SH3BGRL2: variants seen among roughly 807,000 people sequenced by gnomAD.
SH3BGRL2 encodes the protein SH3 domain binding glutamate rich protein like 2, also known as SH3 domain-binding glutamic acid-rich-like protein 2.
SH3BGRL2 carries 21 observed loss-of-function variants against 14.8 expected under a neutral mutation model. That is an observed-to-expected ratio of 1.42 (90% confidence interval 1.01 to 2.05). The LOEUF (loss-of-function observed/expected upper bound fraction) is 2.05, where lower values mean the gene tolerates loss of function less well. Among genes scored for constraint, SH3BGRL2 ranks in the 30% most tolerant of loss-of-function variants. The pLI is 0.00. For missense variants in SH3BGRL2, 147 were observed against 130.8 expected, an observed-to-expected ratio of 1.12 and a Z score of -0.61; for synonymous variants, 50 against 47.8, an observed-to-expected ratio of 1.05 and a Z score of -0.19.
At chr6:79,673,977 G>A (rs541862591) in intron 2 of SH3BGRL2, among the ~76,000 whole-genome samples, 178 bp downstream of exon 2, 1 of 152,220 alleles carries the variant, frequency 6.6e-6, no homozygotes, top group African/African-American at 2.4e-5. Flanking sequence ...GTCATGGACT[G>A]TGTATGTATG....
At chr6:79,693,437 G>T (rs1267078511) in intron 2 of SH3BGRL2, among the ~76,000 whole-genome samples, 1 of 150,312 alleles carries the variant, frequency 6.7e-6, no homozygotes, top group African/African-American at 2.5e-5. Flanking sequence ...TCTTGTGCCA[G>T]TTTTCAAAGG....
At chr6:79,619,258 T>C in the SH3BGRL2 span, among the ~76,000 whole-genome samples, 3 of 152,148 alleles carry the variant, frequency 2.0e-5, no homozygotes, top group Non-Finnish European at 4.4e-5. Flanking sequence ...TTGTTACACA[T>C]CTGTATGTAT....
At chr6:79,540,205 T>G in the SH3BGRL2 span, among the ~76,000 whole-genome samples, 136 of 152,026 alleles carry the variant, frequency 8.9e-4, no homozygotes, top group Middle Eastern at 0.01. Context: ...GAGGCCAAGG[T>G]GGGTGGATCA....
chr6:79,641,156 G>T (rs1018699172), intron 1 of SH3BGRL2, among the ~76,000 whole-genome samples: 236 of 61,392 alleles, frequency 3.8e-3, no homozygotes, highest in East Asian at 0.035. Flanking sequence ...CCTTTTGTGT[G>T]TGTGTGTGTG....
chr6:79,595,145 G>T, the SH3BGRL2 span, among the ~76,000 whole-genome samples: 4 of 152,206 alleles, frequency 2.6e-5, no homozygotes, highest in African/African-American at 9.7e-5. Flanking sequence ...AATTAGCTGG[G>T]CATAGCGGCC....
At chr6:79,650,480 T>C (rs1562147442) in intron 1 of SH3BGRL2, among the ~76,000 whole-genome samples, 1 of 152,168 alleles carries the variant, frequency 6.6e-6, no homozygotes, top group East Asian at 1.9e-4. Context: ...TTTATTTGTC[T>C]CACAGTTCTG....
the SH3BGRL2 span, among the ~76,000 whole-genome samples, chr6:79,578,756 G>T: frequency 1.3e-5 from 2 of 152,134 alleles, no homozygotes; most frequent in African/African-American, 2.4e-5. Context: ...ACAAAGGATT[G>T]CAGCTCCTCG....
intron 1 of SH3BGRL2, among the ~76,000 whole-genome samples, chr6:79,665,395 C>T (rs1264749480): frequency 2.0e-5 from 3 of 152,106 alleles, no homozygotes; most frequent in Admixed American, 6.5e-5. Flanking sequence ...TTCCCCAAAA[C>T]ATTTGTTATT....
chr6:79,632,844 A>G (rs1349330187), intron 1 of SH3BGRL2, among the ~76,000 whole-genome samples: 2 of 152,214 alleles, frequency 1.3e-5, no homozygotes, highest in Admixed American at 1.3e-4. Context: ...CACTGTTTCA[A>G]GGGTAGATTT....
chr6:79,541,681 G>A, the SH3BGRL2 span, among the ~76,000 whole-genome samples: 3 of 152,070 alleles, frequency 2.0e-5, no homozygotes, highest in African/African-American at 2.4e-5. Context: ...AGTTTGCTTC[G>A]GGAAAGAATA....
the SH3BGRL2 span, among the ~76,000 whole-genome samples, chr6:79,618,845 G>GA: frequency 1.4e-5 from 2 of 139,274 alleles, no homozygotes; most frequent in Admixed American, 1.6e-4. Context: ...CTTGGACCTG[G>GA]AAGGCAGGTT....
At chr6:79,560,867 C>CTTTTTTTTTTTTTTTTTTTTTTTTTTTT in the SH3BGRL2 span, among the ~76,000 whole-genome samples, 1 of 45,744 alleles carries the variant, frequency 2.2e-5, no homozygotes, top group African/African-American at 9.1e-5. Flanking sequence ...ACAATACACT[C>CTTTTTTTTTTTTTTTTTTTTTTTTTTTT]TTTTTTTTTT....
chr6:79,604,783 C>A, the SH3BGRL2 span, among the ~76,000 whole-genome samples: 1 of 152,156 alleles, frequency 6.6e-6, no homozygotes, highest in African/African-American at 2.4e-5. Context: ...ACATGGGGAA[C>A]CGCATCCCAC....
chr6:79,646,617 A>G (rs2127725147), intron 1 of SH3BGRL2, among the ~76,000 whole-genome samples: 1 of 152,324 alleles, frequency 6.6e-6, no homozygotes, highest in South Asian at 2.1e-4. Context: ...GTGTGTGTGT[A>G]TGTTTACTAT....
At chr6:79,582,988 T>C in the SH3BGRL2 span, among the ~76,000 whole-genome samples, 1 of 152,162 alleles carries the variant, frequency 6.6e-6, no homozygotes, top group Non-Finnish European at 1.5e-5. Context: ...GAACAGACAC[T>C]TCTCAAAAGA....
At chr6:79,574,711 A>G in the SH3BGRL2 span, 1 of 152,202 alleles carries the variant, frequency 6.6e-6, no homozygotes, top group Non-Finnish European at 1.5e-5. Context: ...ACATTTTACT[A>G]CAATAACAGA....
intron 1 of SH3BGRL2, among the ~76,000 whole-genome samples, chr6:79,635,700 C>T (rs888164502): frequency 1.3e-5 from 2 of 152,078 alleles, no homozygotes; most frequent in African/African-American, 2.4e-5. Flanking sequence ...TGGAGAGCAA[C>T]CATCACTGGG....
chr6:79,548,203 A>T, the SH3BGRL2 span, among the ~76,000 whole-genome samples: 1 of 152,154 alleles, frequency 6.6e-6, no homozygotes, highest in Admixed American at 6.5e-5. Context: ...TTCACTTACT[A>T]ATTACACAAC....
chr6:79,598,033 T>C, the SH3BGRL2 span, among the ~76,000 whole-genome samples: 2 of 152,114 alleles, frequency 1.3e-5, no homozygotes, highest in African/African-American at 4.8e-5. Context: ...ACAATGGAAA[T>C]GTAAATCAAA....
Sources: gnomAD v4.1 joint callset for allele counts (sites outside exome capture counted in the v4.1 genomes callset) on GRCh38, gnomAD v4.1.1 for gene constraint, MANE v1.5 for transcripts, NCBI Gene and HGNC (gene_info 2026-07-23, HGNC 2026-07-21) for gene names.